ZFPM1: variants seen among roughly 807,000 people sequenced by gnomAD.
ZFPM1 encodes zinc finger protein, FOG family member 1.
In ZFPM1, 28 loss-of-function variants were observed where a neutral mutation model predicts 46.3. The observed-to-expected ratio is 0.60, with a 90% CI of 0.45 to 0.83. The LOEUF is 0.83. Ranked by LOEUF, ZFPM1 falls within the 40% of genes least tolerant of loss-of-function variation. ZFPM1 has a pLI of 0.00. For synonymous variants in ZFPM1, 957 were observed against 675.9 expected (o/e 1.42, Z -6.45); for missense variants, 1,878 against 1,432.4 (o/e 1.31, Z -5.02).
At position 88,453,454 on chromosome 16, in the gene ZFPM1, G is replaced by C. The variant is rs1259332964; in HGVS notation, c.-185G>C. The C allele has an allele frequency of 6.2e-6, 1 of 160,740 alleles. No homozygotes were observed. Among genetic ancestry groups the C allele is most frequent in the African/African-American group, 2.5e-5 (1 of 40,482 alleles). The allele number at this position is 160,740 out of a possible 1,614,324, so 10.0% of individuals were successfully genotyped here. A position where few individuals can be genotyped will look rare whatever the true frequency, so the allele number is the denominator to read the frequency against. Reference sequence around the variant, plus strand: ...CGCAACGCAGGACCGTGGCCTCTCGGGCCTCCGCGGCAGCTCCAGCGGCTC... The same window carrying C: ...CGCAACGCAGGACCGTGGCCTCTCGCGCCTCCGCGGCAGCTCCAGCGGCTC... On this transcript the variant is annotated 5_prime_UTR_variant, in exon 1 of 10. Transcript: ENST00000319555.
At chr16:88,484,753 C>T (rs1909125425) in intron 1 of ZFPM1, among the ~76,000 whole-genome samples, 1 of 152,200 alleles carries the variant, frequency 6.6e-6, no homozygotes, top group Non-Finnish European at 1.5e-5. Flanking sequence ...TCTGTTCACA[C>T]TGGACACCAT....
At position 88,514,469 on chromosome 16, in the gene ZFPM1, G is replaced by T; in HGVS notation, c.351G>T (p.Pro117=). Residue 117 remains proline, a synonymous_variant, in exon 4 of 10, where the codon CCG becomes CCT. Coordinates refer to ENST00000319555, the MANE Select transcript of ZFPM1 (RefSeq NM_153813.3). ...LSLATGLSWG[P]FHGSVQTRAS... ...TCGCCACGGGCCTGTCCTGGGGCCC[G>T]TTCCATGGGAGTGTCCAGACCAGAG... The T allele has an allele frequency of 3.2e-6, 5 of 1,563,128 alleles. No individual in the cohort carries two copies. The highest frequency in any genetic ancestry group is 3.5e-6 in the Non-Finnish European group (4 of 1,154,166).
chr16:88,495,332 C>T (rs1366041438), intron 3 of ZFPM1, among the ~76,000 whole-genome samples: 1 of 152,192 alleles, frequency 6.6e-6, no homozygotes, highest in Non-Finnish European at 1.5e-5. Flanking sequence ...GGAATCCCCT[C>T]CCCTGGAACA....
At chr16:88,527,530 G>A (rs372819225) in intron 5 of ZFPM1, among the ~76,000 whole-genome samples, 20 of 152,220 alleles carry the variant, frequency 1.3e-4, no homozygotes, top group Admixed American at 4.6e-4. Flanking sequence ...TGAGCGGGCC[G>A]GCTCAGGCCT....
chr16:88,519,398 T>G (rs1444771333), intron 4 of ZFPM1, among the ~76,000 whole-genome samples: 1 of 148,428 alleles, frequency 6.7e-6, no homozygotes, highest in African/African-American at 2.5e-5. Flanking sequence ...GATGGATAAG[T>G]GAGTGGGTGA....
intron 1 of ZFPM1, among the ~76,000 whole-genome samples, chr16:88,474,807 G>T (rs1302773449): frequency 6.6e-6 from 1 of 152,192 alleles, no homozygotes; most frequent in Non-Finnish European, 1.5e-5. Flanking sequence ...GAACCCCCAG[G>T]GCTGTCGGGA....
At chr16:88,527,215 C>T (rs77602791) in intron 5 of ZFPM1, among the ~76,000 whole-genome samples, 10,884 of 152,260 alleles carry the variant, frequency 0.071, 523 homozygotes, top group Non-Finnish European at 0.1. Context: ...CGTATCTCCT[C>T]CCTGCCTTGG....
At chr16:88,453,754 C>G in intron 1 of ZFPM1, 76 bp downstream of exon 1, 1 of 927,806 alleles carries the variant, frequency 1.1e-6, no homozygotes, top group Non-Finnish European at 1.3e-6. Context: ...GCCGCCCCCG[C>G]CCGTCCCCGC....
At chr16:88,522,796 C>A (rs532185848) in intron 4 of ZFPM1, among the ~76,000 whole-genome samples, 1 of 152,320 alleles carries the variant, frequency 6.6e-6, no homozygotes, top group African/African-American at 2.4e-5. Flanking sequence ...ACCCTGGACA[C>A]ACCTGCCTGA....
At position 88,534,498 on chromosome 16, in the gene ZFPM1, G is replaced by A; in HGVS notation, c.2540G>A (p.Gly847Asp). Residue 847 changes from glycine (G) to aspartate (D), a missense_variant, in exon 10 of 10, where the codon GGC becomes GAC. Gly to Asp is a moderately conservative substitution (Grantham distance 94, BLOSUM62 -1). Transcript: ENST00000319555. ...TCGTGCCCCGCTGCGCCACCGCCCG[G>A]CGCGCTCGGCCTGCCCGCCGCCGCC... The part of the protein sequence containing the change: ...KYSCPAAPPP[G>D]ALGLPAAACP... 2 of 1,464,174 alleles carry A rather than the reference G, an allele frequency of 1.4e-6. No individual in the cohort carries two copies. Among genetic ancestry groups the A allele is most frequent in the Non-Finnish European group, 1.8e-6 (2 of 1,112,832 alleles). 90.7% of individuals were successfully genotyped at this position (1,464,174 alleles called of 1,614,324 possible). A position where few individuals can be genotyped will look rare whatever the true frequency, so the allele number is the denominator to read the frequency against.
At chr16:88,527,561 C>G (rs904113694) in intron 5 of ZFPM1, among the ~76,000 whole-genome samples, 1 of 152,012 alleles carries the variant, frequency 6.6e-6, no homozygotes, top group Non-Finnish European at 1.5e-5. Flanking sequence ...CCGCAGGGGA[C>G]ACACAGCCCG....
At chr16:88,491,800 C>T (rs925633923) in intron 3 of ZFPM1, among the ~76,000 whole-genome samples, 4 of 152,360 alleles carry the variant, frequency 2.6e-5, no homozygotes, top group Middle Eastern at 3.4e-3. Flanking sequence ...GGCTGATACG[C>T]GGCCGCTGGC....
intron 1 of ZFPM1, among the ~76,000 whole-genome samples, chr16:88,470,842 C>T (rs922555521): frequency 1.3e-5 from 2 of 150,054 alleles, no homozygotes; most frequent in African/African-American, 4.9e-5. Flanking sequence ...TGTGGAGGGC[C>T]GGGTGGTGAC....
chr16:88,507,906 G>A (rs1045317577), intron 3 of ZFPM1, among the ~76,000 whole-genome samples: 6 of 152,184 alleles, frequency 3.9e-5, no homozygotes, highest in African/African-American at 1.4e-4. Context: ...GCCTCCAGCA[G>A]CCACTCCCTC....
At chr16:88,455,802 A>G (rs1907529073) in intron 1 of ZFPM1, among the ~76,000 whole-genome samples, 1 of 151,964 alleles carries the variant, frequency 6.6e-6, no homozygotes, top group Non-Finnish European at 1.5e-5. Context: ...GCGAGGCGGG[A>G]GCGCGGCCTT....
In ZFPM1 at chr16:88,534,976, G is replaced by T. The variant is rs1376760900; in HGVS notation, c.3018G>T (p.Lys1006Asn). The T allele has an allele frequency of 1.4e-6, 2 of 1,437,368 alleles. No homozygotes were observed. Among genetic ancestry groups the T allele is most frequent in the Non-Finnish European group, 1.9e-6 (2 of 1,080,550 alleles). The allele number at this position is 1,437,368 out of a possible 1,614,324, so 89.0% of individuals were successfully genotyped here. Residue 1006 changes from lysine (K) to asparagine (N), a missense_variant, in exon 10 of 10, where the codon AAG (lysine) becomes AAT (asparagine). Coordinates refer to ENST00000319555, the MANE Select transcript of ZFPM1 (RefSeq NM_153813.3). ...YCSSHAAEHVK is the reference protein window; with the variant it reads ...YCSSHAAEHVN ...CCTCGCACGCCGCCGAGCACGTGAA[G>T]TGAGCGCCCACACTACAGCCGCAGA...
chr16:88,515,307 C>T (rs572137160), intron 4 of ZFPM1, among the ~76,000 whole-genome samples: 1 of 152,316 alleles, frequency 6.6e-6, no homozygotes, highest in South Asian at 2.1e-4. Context: ...CAGGGAGTCA[C>T]TGGGAAGCTG....
At chr16:88,468,198 C>T (rs1222589816) in intron 1 of ZFPM1, among the ~76,000 whole-genome samples, 2 of 148,834 alleles carry the variant, frequency 1.3e-5, no homozygotes, top group African/African-American at 4.9e-5. Flanking sequence ...GCCCACCGCC[C>T]CTCAAGCACC....
intron 1 of ZFPM1, among the ~76,000 whole-genome samples, chr16:88,467,383 G>A (rs977407272): frequency 6.6e-6 from 1 of 152,174 alleles, no homozygotes; most frequent in Non-Finnish European, 1.5e-5. Flanking sequence ...TGCAGGCCAT[G>A]GCCAACCCCC....
Sources: gnomAD v4.1 joint callset for allele counts (sites outside exome capture counted in the v4.1 genomes callset) on GRCh38, gnomAD v4.1.1 for gene constraint, MANE v1.5 for transcripts, NCBI Gene and HGNC (gene_info 2026-07-23, HGNC 2026-07-21) for gene names.